The following PSEN1 variants were observed in gnomAD, a reference collection of about 807,000 sequenced individuals.
PSEN1 encodes presenilin-1.
PSEN1 carries 15 observed loss-of-function variants against 53.5 expected under a neutral mutation model. The ratio of observed to expected loss-of-function variants is 0.28; its 90% confidence interval spans 0.19 to 0.43. The LOEUF (loss-of-function observed/expected upper bound fraction) is 0.43. PSEN1 is among the 20% of genes least tolerant of loss of function. PSEN1 has a pLI of 1.00. For missense variants in PSEN1, 387 were observed against 571.2 expected (o/e 0.68, Z 3.29); for synonymous variants, 208 against 209.8 (o/e 0.99, Z 0.08).
In PSEN1 at chr14:73,211,876, C is replaced by G. The variant is rs376433615; in HGVS notation, c.1063C>G (p.Pro355Ala). Residue 355 changes from proline (P) to alanine (A), a missense_variant, in exon 10 of 12, where the codon CCT (proline) becomes GCT (alanine). By Grantham distance (27) the Pro-to-Ala change is conservative. Coordinates refer to ENST00000324501, the MANE Select transcript of PSEN1 (RefSeq NM_000021.4). The stretch of plus-strand genomic sequence containing the variant: ...TCATCTAGGGCCTCATCGCTCTACA[C>G]CTGAGTCACGAGCTGCTGTCCAGGA... ...DSHLGPHRST[P>A]ESRAAVQELS... The G allele has an allele frequency of 1.9e-6, 3 of 1,613,872 alleles. No homozygotes were observed. Among genetic ancestry groups the G allele is most frequent in the Admixed American group, 3.3e-5 (2 of 59,966 alleles).
At chr14:73,158,319 TC>T (rs1178127584) in intron 3 of PSEN1, among the ~76,000 whole-genome samples, 2 of 151,458 alleles carry the variant, frequency 1.3e-5, no homozygotes, top group African/African-American at 4.9e-5. Flanking sequence ...TATCTATCTA[TC>T]TATCTATCTA....
intron 6 of PSEN1, among the ~76,000 whole-genome samples, chr14:73,189,096 G>A (rs1328617307): frequency 6.6e-6 from 1 of 152,152 alleles, no homozygotes; most frequent in Non-Finnish European, 1.5e-5. Context: ...TGGCTGAGAT[G>A]AAGGTTTTCT....
intron 10 of PSEN1, among the ~76,000 whole-genome samples, chr14:73,215,699 G>T: frequency 6.6e-6 from 1 of 152,120 alleles, no homozygotes; most frequent in East Asian, 1.9e-4. Flanking sequence ...GCTTTGACTA[G>T]ACATTCTACC....
rs146306647 is a variant in PSEN1, at chr14:73,217,272, A to G, written c.1248+28A>G. The G allele has an allele frequency of 5.2e-4, 835 of 1,613,108 alleles. 5 individuals are homozygous for G. The African/African-American group carries it at 9.4e-3, about 18-fold the overall frequency. Reference sequence around the variant, plus strand: ...AAGTATACACTAATAAGAATGTGTCAGAGCTCTTAATGTCAAAACTTTGAT... The same window carrying G: ...AAGTATACACTAATAAGAATGTGTCGGAGCTCTTAATGTCAAAACTTTGAT... On this transcript the variant is annotated intron_variant, in intron 11 of 11. Coordinates refer to ENST00000324501, the MANE Select transcript of PSEN1 (RefSeq NM_000021.4).
intron 3 of PSEN1, chr14:73,168,364 A>C (rs1897782291): frequency 6.6e-6 from 1 of 152,254 alleles, no homozygotes. Context: ...CAAAAAAAAA[A>C]AAACAAAAAC....
intron 3 of PSEN1, among the ~76,000 whole-genome samples, chr14:73,162,435 G>GCTCGCTCGCGCGCTCTCTCT: frequency 6.9e-6 from 1 of 144,490 alleles, no homozygotes; most frequent in African/African-American, 2.5e-5. Context: ...TCTCTCTCTC[G>GCTCGCTCGCGCGCTCTCTCT]CTCGCTCGCG....
intron 4 of PSEN1, among the ~76,000 whole-genome samples, chr14:73,171,844 C>G (rs1897899686): frequency 6.6e-6 from 1 of 152,196 alleles, no homozygotes; most frequent in Non-Finnish European, 1.5e-5. Flanking sequence ...ATTTAGAACT[C>G]ACATCTAACA....
chr14:73,213,818 C>G (rs1231047591), intron 10 of PSEN1, among the ~76,000 whole-genome samples: 1 of 152,218 alleles, frequency 6.6e-6, no homozygotes, highest in Middle Eastern at 3.4e-3. Context: ...ACTAGATTGG[C>G]TATAATAAAA....
At chr14:73,156,218 T>C (rs553013941) in intron 3 of PSEN1, among the ~76,000 whole-genome samples, 1 of 151,824 alleles carries the variant, frequency 6.6e-6, no homozygotes, top group Admixed American at 6.6e-5. Flanking sequence ...TAACTGGGTG[T>C]GGTGGCATGT....
intron 4 of PSEN1, among the ~76,000 whole-genome samples, chr14:73,171,382 G>T (rs1029394242): frequency 6.6e-6 from 1 of 152,108 alleles, no homozygotes; most frequent in Non-Finnish European, 1.5e-5. Context: ...TAACTTTGGT[G>T]GATTAAATTC....
chr14:73,212,087 GCTTTTTTTTTTTTTTT>G, intron 10 of PSEN1, 145 bp downstream of exon 10: 7 of 80,686 alleles, frequency 8.7e-5, no homozygotes, highest in South Asian at 2.9e-4. Flanking sequence ...CAGTAATAGT[GCTTTTTTTTTTTTTTT>G]TTTTTTTTTT....
intron 4 of PSEN1, among the ~76,000 whole-genome samples, chr14:73,173,286 TA>T (rs1727787321): frequency 6.6e-6 from 1 of 152,174 alleles, no homozygotes; most frequent in Non-Finnish European, 1.5e-5. Flanking sequence ...GATGAGGTAT[TA>T]TAATTATTTC....
At chr14:73,162,661 A>G (rs1422672736) in intron 3 of PSEN1, among the ~76,000 whole-genome samples, 1 of 152,090 alleles carries the variant, frequency 6.6e-6, no homozygotes, top group Non-Finnish European at 1.5e-5. Context: ...TCTCAAAGAT[A>G]AGAAGAATGA....
At chr14:73,202,204 C>T (rs1204105246) in intron 8 of PSEN1, among the ~76,000 whole-genome samples, 2 of 109,240 alleles carry the variant, frequency 1.8e-5, no homozygotes, top group Non-Finnish European at 3.7e-5. Flanking sequence ...GCCACTATAC[C>T]TGGCTAATTT....
intron 3 of PSEN1, among the ~76,000 whole-genome samples, chr14:73,151,894 ATTTTTTTTTTTTTTTTTTT>A (rs56754992): frequency 1.0e-3 from 39 of 38,950 alleles, no homozygotes; most frequent in Admixed American, 1.5e-3. Context: ...ATATATATAT[ATTTTTTTTTTTTTTTTTTT>A]TTTTTTTTTT....
chr14:73,199,762 T>C (rs1899103272), intron 8 of PSEN1, among the ~76,000 whole-genome samples: 4 of 152,228 alleles, frequency 2.6e-5, no homozygotes, highest in Admixed American at 2.6e-4. Context: ...TGTTTTGTTT[T>C]GGAGACTGAG....
At chr14:73,138,056 A>G (rs1412957593) in intron 1 of PSEN1, 1 of 149,544 alleles carries the variant, frequency 6.7e-6, no homozygotes, top group East Asian at 2.0e-4. Context: ...TGGGCAAAAG[A>G]GTGAGACTGT....
chr14:73,170,898 G>A lies in PSEN1; in HGVS notation c.189G>A (p.Val63=), dbSNP rs1409411737. The change falls in exon 4 of 12, where the codon GTG becomes GTA. Residue 63 remains valine (V), a synonymous_variant. Transcript: ENST00000324501. The part of the protein sequence containing the change: ...GRPQGNSRQV[V]EQDEEEDEEL... ...CCCAGGGTAACTCCCGGCAGGTGGT[G>A]GAGCAAGATGAGGAAGAAGATGAGG... The A allele has an allele frequency of 3.7e-6, 6 of 1,614,094 alleles. No homozygotes were observed. Among genetic ancestry groups the A allele is most frequent in the Non-Finnish European group, 5.1e-6 (6 of 1,180,038 alleles).
intron 10 of PSEN1, among the ~76,000 whole-genome samples, chr14:73,214,384 G>C (rs1212767571): frequency 6.6e-6 from 1 of 151,994 alleles, no homozygotes; most frequent in Non-Finnish European, 1.5e-5. Flanking sequence ...TACAAAATTA[G>C]CCCATTGTGG....
Sources: allele counts gnomAD v4.1 joint callset (sites outside exome capture counted in the v4.1 genomes callset), GRCh38; gene constraint gnomAD v4.1.1; transcripts MANE v1.5; gene names NCBI Gene and HGNC (gene_info 2026-07-23, HGNC 2026-07-21).